DLG2: variants seen among roughly 807,000 people sequenced by gnomAD.
DLG2 encodes the protein disks large homolog 2.
Under a neutral mutation model 132.5 loss-of-function variants are expected in DLG2, and 45 were observed. That is an observed-to-expected ratio of 0.34 (90% CI 0.27 to 0.44). The LOEUF is 0.44. DLG2 is among the 20% of genes least tolerant of loss of function. The pLI is 1.00. For synonymous variants in DLG2, 424 were observed against 419.6 expected (o/e 1.01, Z -0.13); for missense variants, 1,045 against 1,196.9 (o/e 0.87, Z 1.87).
chr11:85,006,589 T>A (rs2058680628), intron 6 of DLG2, among the ~76,000 whole-genome samples: 1 of 152,222 alleles, frequency 6.6e-6, no homozygotes, highest in Admixed American at 6.5e-5. Context: ...TTGTCATTTT[T>A]TATTGTGTCA....
At position 83,686,441 on chromosome 11, in the gene DLG2, T is replaced by TCCTTTTG. The variant is rs1373310194; in HGVS notation, c.1826-53117_1826-53116insCAAAAGG. 7.9e-5 allele frequency among the ~76,000 whole-genome samples: 12 copies of TCCTTTTG among 152,276 alleles called. No homozygotes were observed. The East Asian group carries it at 2.3e-3, about 29-fold the overall frequency. On this transcript the variant is annotated intron_variant, in intron 18 of 27. Transcript: ENST00000376104. The stretch of plus-strand genomic sequence containing the variant: ...TATGAAATATTTTATAGTTCTTTGT[T>TCCTTTTG]CATTTCTTTACTTTTGCTCCTCTAC...
intron 8 of DLG2, among the ~76,000 whole-genome samples, chr11:84,205,647 CAGCATAATAAA>C (rs1038470032): frequency 2.5e-4 from 38 of 151,784 alleles, no homozygotes; most frequent in African/African-American, 8.9e-4. Context: ...TTTTGATTTG[CAGCATAATAAA>C]AGCATAATAG....
At position 84,733,113 on chromosome 11, in the gene DLG2, G is replaced by A. The variant is rs200178897; in HGVS notation, c.358-198382C>T. Among the ~76,000 whole-genome samples the A allele has an allele frequency of 1.2e-4, 19 of 152,276 alleles. No homozygotes were observed. In the East Asian group the frequency reaches 3.3e-3, roughly 26 times the overall value. On this transcript the variant is annotated intron_variant, in intron 6 of 27. Coordinates refer to ENST00000376104, the MANE Select transcript of DLG2 (RefSeq NM_001142699.3). ...CCACAATAAACATATGTGTGCATGT[G>A]TCTTTATAGCAGCATGATTTATAAT...
chr11:83,950,348 A>G (rs1461336334), intron 14 of DLG2, among the ~76,000 whole-genome samples: 2 of 152,170 alleles, frequency 1.3e-5, no homozygotes, highest in African/African-American at 4.8e-5. Context: ...TAATCCCAGG[A>G]CTTTGGGAGG....
chr11:83,589,838 A>G (rs1466527056), intron 19 of DLG2, among the ~76,000 whole-genome samples: 2 of 144,358 alleles, frequency 1.4e-5, no homozygotes, highest in South Asian at 4.8e-4. Flanking sequence ...AGGGGTTGCA[A>G]TCCTAGTCTC....
chr11:84,836,068 C>A (rs916213393), intron 6 of DLG2, among the ~76,000 whole-genome samples: 11 of 151,756 alleles, frequency 7.2e-5, no homozygotes, highest in African/African-American at 2.4e-4. Context: ...GCTTCACTGA[C>A]TTACCCTGAG....
At chr11:84,373,269 A>AAAAAAAAAAAAAC (rs1555532736) in intron 7 of DLG2, among the ~76,000 whole-genome samples, 1 of 128,430 alleles carries the variant, frequency 7.8e-6, no homozygotes, top group Non-Finnish European at 1.6e-5. Context: ...AAAAAACAAA[A>AAAAAAAAAAAAAC]CAAAAAAAAA....
chr11:84,316,912 C>A, intron 7 of DLG2: 1 of 1,612,748 alleles, frequency 6.2e-7, no homozygotes, highest in African/African-American at 1.3e-5. Flanking sequence ...GGGGGCTTTT[C>A]CGCACACTGT....
chr11:83,953,801 T>C (rs1417930430), intron 14 of DLG2, among the ~76,000 whole-genome samples: 1 of 152,198 alleles, frequency 6.6e-6, no homozygotes, highest in Non-Finnish European at 1.5e-5. Flanking sequence ...TGGCCAGAAA[T>C]AAGCTTCACA....
At chr11:85,272,630 T>G (rs2077608288) in intron 4 of DLG2, among the ~76,000 whole-genome samples, 1 of 152,074 alleles carries the variant, frequency 6.6e-6, no homozygotes, top group Non-Finnish European at 1.5e-5. Flanking sequence ...GGAAGAACAT[T>G]CCATGCTCAT....
intron 19 of DLG2, among the ~76,000 whole-genome samples, chr11:83,572,800 C>T (rs2096820068): frequency 6.6e-6 from 1 of 152,136 alleles, no homozygotes; most frequent in African/African-American, 2.4e-5. Flanking sequence ...TACAAGAGTC[C>T]TTTCTTACTC....
chr11:84,020,898 G>A (rs1311674046), intron 11 of DLG2, among the ~76,000 whole-genome samples: 1 of 152,134 alleles, frequency 6.6e-6, no homozygotes. Flanking sequence ...GGCAATTAGA[G>A]GGTGACTTTT....
intron 16 of DLG2, among the ~76,000 whole-genome samples, chr11:83,837,409 C>T (rs538906215): frequency 2.0e-5 from 3 of 152,270 alleles, no homozygotes; most frequent in East Asian, 1.9e-4. Flanking sequence ...CTTGTTCTGT[C>T]TACCAACAAC....
intron 6 of DLG2, among the ~76,000 whole-genome samples, chr11:84,696,126 G>A (rs2058589817): frequency 6.6e-6 from 1 of 151,484 alleles, no homozygotes; most frequent in Non-Finnish European, 1.5e-5. Context: ...AGGTCTGGGA[G>A]GAATGAATGG....
chr11:85,041,168 C>T (rs1270880369), intron 6 of DLG2, among the ~76,000 whole-genome samples: 1 of 151,748 alleles, frequency 6.6e-6, no homozygotes, highest in Admixed American at 6.6e-5. Context: ...TATATCTTTA[C>T]GAAGAACTTG....
intron 6 of DLG2, among the ~76,000 whole-genome samples, chr11:85,080,177 C>A (rs1421590085): frequency 6.6e-6 from 1 of 151,926 alleles, no homozygotes; most frequent in Non-Finnish European, 1.5e-5. Context: ...GGGATAGGTG[C>A]TTTTATATTT....
chr11:83,924,027 A>C (rs961086060), intron 15 of DLG2, among the ~76,000 whole-genome samples: 2 of 152,060 alleles, frequency 1.3e-5, no homozygotes, highest in Non-Finnish European at 2.9e-5. Context: ...GTAGTCCCAG[A>C]AGGCATTGTG....
chr11:84,989,950 G>C (rs1287979477), intron 6 of DLG2, among the ~76,000 whole-genome samples: 1 of 152,046 alleles, frequency 6.6e-6, no homozygotes, highest in Non-Finnish European at 1.5e-5. Flanking sequence ...CCTAGCATTA[G>C]GCAAAAAATT....
At chr11:83,696,673 T>C (rs539882421) in intron 18 of DLG2, among the ~76,000 whole-genome samples, 2 of 152,234 alleles carry the variant, frequency 1.3e-5, no homozygotes, top group Non-Finnish European at 2.9e-5. Context: ...GTTCTCTACC[T>C]TCCGAGAGGG....
Sources: allele counts gnomAD v4.1 joint callset (sites outside exome capture counted in the v4.1 genomes callset), GRCh38; gene constraint gnomAD v4.1.1; transcripts MANE v1.5; gene names NCBI Gene and HGNC (gene_info 2026-07-23, HGNC 2026-07-21).